The following LNPEP variants were observed in gnomAD, a reference collection of about 807,000 sequenced individuals.
The protein encoded by LNPEP is leucyl and cystinyl aminopeptidase.
In LNPEP, 64 loss-of-function variants were observed where a neutral mutation model predicts 120.6. The ratio of observed to expected loss-of-function variants is 0.53; its 90% CI spans 0.43 to 0.65. LNPEP has a LOEUF of 0.65. Among genes scored for constraint, LNPEP ranks in the 30% least tolerant of loss-of-function variants. The pLI, the probability that LNPEP is intolerant of heterozygous loss-of-function variation, is 0.00. For synonymous variants in LNPEP, 435 were observed against 425.4 expected (o/e 1.02, Z -0.28); for missense variants, 1,057 against 1,200.0 (o/e 0.88, Z 1.76).
chr5:96,976,671 A>G (rs1366361260), intron 1 of LNPEP, among the ~76,000 whole-genome samples: 1 of 152,074 alleles, frequency 6.6e-6, no homozygotes, highest in African/African-American at 2.4e-5. Flanking sequence ...AACAAAACAC[A>G]TGGGGCAAAT....
chr5:97,013,942 T>G (rs1290113512), intron 12 of LNPEP, 111 bp downstream of exon 12: 1 of 722,612 alleles, frequency 1.4e-6, no homozygotes, highest in Non-Finnish European at 2.1e-6. Flanking sequence ...GTTGGTACAA[T>G]ACATTTTGGA....
At chr5:97,018,356 C>A (rs1488965812) in intron 13 of LNPEP, among the ~76,000 whole-genome samples, 1 of 152,010 alleles carries the variant, frequency 6.6e-6, no homozygotes, top group East Asian at 1.9e-4. Context: ...GCACTTGATA[C>A]TTACCTCTTC....
At chr5:97,024,705 G>A in intron 15 of LNPEP, 23 bp downstream of exon 15, 1 of 1,600,256 alleles carries the variant, frequency 6.2e-7, no homozygotes, top group Non-Finnish European at 8.5e-7. Flanking sequence ...CGAGGAATAT[G>A]ATATACAGAA....
chr5:96,968,685 A>C (rs970628761), intron 1 of LNPEP, among the ~76,000 whole-genome samples: 3 of 152,092 alleles, frequency 2.0e-5, no homozygotes, highest in African/African-American at 7.2e-5. Flanking sequence ...TAGGAATTTG[A>C]AAAGATTACA....
rs796240717 is a variant in LNPEP at position 97,035,022 on chromosome 5, T to C, written c.*6489T>C. ...TTGCTACATTCTGTGTGTTATATAA[T>C]GTGGTACCCAGTCCTCTGCTGGGAC... On this transcript the variant is annotated 3_prime_UTR_variant, in exon 18 of 18. Transcript: ENST00000231368. 6 of 152,158 alleles carry C rather than the reference T, an allele frequency of 3.9e-5. No homozygotes were observed. In the South Asian group the frequency reaches 1.2e-3, roughly 31 times the overall value. The allele number at this position is 152,158 out of a possible 1,614,324, so 9.4% of individuals were successfully genotyped here. A position where few individuals can be genotyped will look rare whatever the true frequency, so the allele number is the denominator to read the frequency against.
chr5:96,952,955 AC>A (rs1789359137), intron 1 of LNPEP, among the ~76,000 whole-genome samples: 1 of 151,972 alleles, frequency 6.6e-6, no homozygotes, highest in Non-Finnish European at 1.5e-5. Context: ...ATGATACAAA[AC>A]CCTTTGTTTC....
At position 97,010,409 on chromosome 5, in the gene LNPEP, T is replaced by A. The variant is rs373780210; in HGVS notation, c.2036-3239T>A. The A allele has an allele frequency of 5.1e-6, 5 of 984,500 alleles. No individual in the cohort carries two copies. The East Asian group carries it at 4.5e-4, about 89-fold the overall frequency. 61.0% of individuals were successfully genotyped at this position (984,500 alleles called of 1,614,324 possible). A position where few individuals can be genotyped will look rare whatever the true frequency, so the allele number is the denominator to read the frequency against. On this transcript the variant is annotated intron_variant, in intron 11 of 17. Transcript: ENST00000231368. ...TATAGTAATTAAAATATTTATCATG[T>A]GCCATTCTCTGCTCTTGCCTTTTTT...
chr5:97,003,548 T>C lies in LNPEP; in HGVS notation c.1785+2T>C. On this transcript the variant is annotated splice_donor_variant, in intron 9 of 17. Transcript: ENST00000231368. LOFTEE classifies it high-confidence loss of function. Reference sequence around the variant, plus strand: ...GATCTGTGGGATAGTTTTAATGAGGTAAGTGACCTGGGTAATTTATTTAGC... The same window carrying C: ...GATCTGTGGGATAGTTTTAATGAGGCAAGTGACCTGGGTAATTTATTTAGC... 1.3e-6 allele frequency: 2 copies of C among 1,582,116 alleles called. No individual in the cohort carries two copies. Among genetic ancestry groups the C allele is most frequent in the Non-Finnish European group, 1.7e-6 (2 of 1,166,272 alleles).
intron 3 of LNPEP, among the ~76,000 whole-genome samples, 180 bp downstream of exon 3, chr5:96,985,398 A>G (rs1011468168): frequency 6.6e-6 from 1 of 152,196 alleles, no homozygotes; most frequent in African/African-American, 2.4e-5. Flanking sequence ...AGTCACCTTG[A>G]GGAGGACTTG....
In LNPEP at chr5:96,986,640, G is replaced by A; in HGVS notation, c.1101G>A (p.Lys367=). The A allele has an allele frequency of 6.2e-7, 1 of 1,613,592 alleles. No individual in the cohort carries two copies. The highest frequency in any genetic ancestry group is 8.5e-7 in the Non-Finnish European group (1 of 1,179,654). The change falls in exon 4 of 18, where the codon AAG becomes AAA. Residue 367 remains lysine (K), a synonymous_variant. Transcript: ENST00000231368. ...YLVAFIVGEM[K]NLSQDVNGTL... ...TTGCTTTCATTGTGGGAGAGATGAA[G>A]AACCTGAGTCAGGACGTAAATGGAA...
intron 13 of LNPEP, among the ~76,000 whole-genome samples, chr5:97,018,716 G>A (rs1010091678): frequency 3.3e-5 from 5 of 152,150 alleles, no homozygotes; most frequent in Admixed American, 6.5e-5. Flanking sequence ...TGGATATGAC[G>A]TTCAAATGTA....
intron 1 of LNPEP, among the ~76,000 whole-genome samples, chr5:96,942,584 G>T (rs1264346560): frequency 6.6e-6 from 1 of 151,596 alleles, no homozygotes; most frequent in Non-Finnish European, 1.5e-5. Flanking sequence ...GACCCAGGAG[G>T]CGGAGGTTGC....
chr5:96,993,936 G>A lies in LNPEP; in HGVS notation c.1372G>A (p.Val458Met). 6.2e-7 allele frequency: 1 copy of A among 1,613,834 alleles called. No individual in the cohort carries two copies. The highest frequency in any genetic ancestry group is 8.5e-7 in the Non-Finnish European group (1 of 1,179,798). Residue 458 changes from valine to methionine, a missense_variant, in exon 6 of 18, where the codon GTG becomes ATG. Transcript: ENST00000231368. ...NTSSMADRKL[V>M]TKIIAHELAH... ...TTCTTCAATGGCGGATAGAAAGCTG[G>A]TGACTAAAATCATTGCTCATGAGCT...
chr5:96,950,890 A>C (rs1184437220), intron 1 of LNPEP, among the ~76,000 whole-genome samples: 1 of 152,184 alleles, frequency 6.6e-6, no homozygotes, highest in Non-Finnish European at 1.5e-5. Flanking sequence ...ATGGGAACAT[A>C]GTATAGGCAG....
intron 8 of LNPEP, among the ~76,000 whole-genome samples, chr5:96,999,642 A>C (rs78196367): frequency 0.015 from 2,311 of 152,218 alleles, 51 homozygotes; most frequent in South Asian, 0.089. Context: ...AAATGCTCTA[A>C]GTTCATTATA....
At chr5:96,954,845 C>T (rs1442318426) in intron 1 of LNPEP, among the ~76,000 whole-genome samples, 6 of 126,920 alleles carry the variant, frequency 4.7e-5, no homozygotes, top group African/African-American at 1.5e-4. Context: ...TGCAGTGGCA[C>T]GATCTCGGCT....
At chr5:96,973,863 T>C (rs574700039) in intron 1 of LNPEP, among the ~76,000 whole-genome samples, 1 of 152,286 alleles carries the variant, frequency 6.6e-6, no homozygotes, top group East Asian at 1.9e-4. Context: ...TTGTTTGTCA[T>C]GGCTTCGCTT....
chr5:96,986,472 C>T, intron 3 of LNPEP, 67 bp from the exon 4 acceptor site: 3 of 1,458,680 alleles, frequency 2.1e-6, no homozygotes, highest in Non-Finnish European at 2.8e-6. Flanking sequence ...TTTTCAGTTT[C>T]TCAGTTTGTT....
At chr5:96,967,503 G>A (rs949502823) in intron 1 of LNPEP, among the ~76,000 whole-genome samples, 3 of 151,936 alleles carry the variant, frequency 2.0e-5, no homozygotes, top group Non-Finnish European at 4.4e-5. Context: ...AACCAGCTTT[G>A]AGGAAAGAAG....
Sources: gnomAD v4.1 joint callset for allele counts (sites outside exome capture counted in the v4.1 genomes callset) on GRCh38, gnomAD v4.1.1 for gene constraint, MANE v1.5 for transcripts, NCBI Gene and HGNC (gene_info 2026-07-23, HGNC 2026-07-21) for gene names.